Variants in TRIM37 observed in about 807,000 individuals in gnomAD.
The protein encoded by TRIM37 is tripartite motif containing 37.
In TRIM37, 80 loss-of-function variants were observed where a neutral mutation model predicts 129.8. The observed-to-expected ratio is 0.62, with a 90% CI of 0.51 to 0.74. The LOEUF (loss-of-function observed/expected upper bound fraction) is 0.74, where lower values mean the gene tolerates loss of function less well. TRIM37 is among the 30% of genes least tolerant of loss of function. The probability of loss-of-function intolerance (pLI) is 0.00; values close to 1 mark genes in which losing one functional copy is unlikely to be tolerated. For missense variants in TRIM37, 1,054 were observed against 1,176.5 expected (o/e 0.90, Z 1.52); for synonymous variants, 389 against 387.1 (o/e 1.00, Z -0.06).
At chr17:59,075,563 CAAA>C (rs34467573) in intron 8 of TRIM37, 81 bp downstream of exon 8, 5,682 of 486,068 alleles carry the variant, frequency 0.012, 2 homozygotes, top group East Asian at 0.014. Flanking sequence ...GACTCCATCT[CAAA>C]AAAAAAAAAA....
intron 2 of TRIM37, among the ~76,000 whole-genome samples, chr17:59,097,007 T>C (rs931442999): frequency 1.3e-5 from 2 of 152,164 alleles, no homozygotes; most frequent in Non-Finnish European, 2.9e-5. Context: ...AACCACTTCA[T>C]GGAAAACCCC....
intron 2 of TRIM37, among the ~76,000 whole-genome samples, chr17:59,103,154 T>C (rs2045668298): frequency 6.6e-6 from 1 of 152,046 alleles, no homozygotes; most frequent in Admixed American, 6.5e-5. Context: ...ATTACAGGCG[T>C]GAGCTACCTA....
At chr17:59,104,448 TA>T (rs759696114) in intron 1 of TRIM37, 54 bp from the exon 2 acceptor site, 1 of 1,498,866 alleles carries the variant, frequency 6.7e-7, no homozygotes, top group African/African-American at 1.4e-5. Flanking sequence ...GAATCAAGAG[TA>T]AAAGGCAAGC....
intron 2 of TRIM37, among the ~76,000 whole-genome samples, chr17:59,096,787 C>T (rs2044928968): frequency 6.6e-6 from 1 of 152,014 alleles, no homozygotes. Flanking sequence ...ACTGTGCATC[C>T]TCATTCATAA....
chr17:59,091,204 T>C (rs1350511479), intron 3 of TRIM37, 96 bp downstream of exon 3: 2 of 764,832 alleles, frequency 2.6e-6, no homozygotes, highest in Admixed American at 2.2e-5. Flanking sequence ...AGAAGAGAAA[T>C]GGGCAGACTG....
chr17:59,048,661 A>G (rs1199200801), intron 15 of TRIM37, among the ~76,000 whole-genome samples: 1 of 152,050 alleles, frequency 6.6e-6, no homozygotes, highest in Non-Finnish European at 1.5e-5. Context: ...CAGTGGCACA[A>G]TCTTGGCTCA....
rs983714745 is a variant in TRIM37 at position 59,045,143 on chromosome 17, G to A, written c.1667+2540C>T. On this transcript the variant is annotated intron_variant, in intron 16 of 23. Coordinates refer to ENST00000262294, the MANE Select transcript of TRIM37 (RefSeq NM_015294.6). ...AGATTGAGATCATCCTGGCTAACAC[G>A]GTGAAACCCCATCTCTATTAAAAAT... 4.6e-5 allele frequency among the ~76,000 whole-genome samples: 7 copies of A among 151,856 alleles called. No homozygotes were observed. The South Asian group carries it at 6.3e-4, about 14-fold the overall frequency.
At chr17:59,076,586 T>G (rs1284367384) in intron 7 of TRIM37, among the ~76,000 whole-genome samples, 1 of 152,072 alleles carries the variant, frequency 6.6e-6, no homozygotes, top group Non-Finnish European at 1.5e-5. Flanking sequence ...ATTACAGAAA[T>G]TATCCTTATA....
chr17:59,016,674 T>TTGGGAGGCTGAGG, intron 20 of TRIM37, among the ~76,000 whole-genome samples: 1 of 143,862 alleles, frequency 7.0e-6, no homozygotes, highest in South Asian at 2.2e-4. Flanking sequence ...TCCCAGCTAC[T>TTGGGAGGCTGAGG]TGGGAGGCTG....
At chr17:58,983,244 G>T in intron 24 of TRIM37, 1 of 233,894 alleles carries the variant, frequency 4.3e-6, no homozygotes, top group Non-Finnish European at 8.3e-6. Context: ...GTTCTAGTGT[G>T]GTCGTTATAA....
At chr17:59,103,274 T>C (rs918625763) in intron 2 of TRIM37, among the ~76,000 whole-genome samples, 6 of 152,206 alleles carry the variant, frequency 3.9e-5, no homozygotes, top group Non-Finnish European at 1.5e-5. Context: ...TTTTCAACTA[T>C]GCTCTGTAGA....
At chr17:59,033,302 T>C (rs1321771030) in intron 17 of TRIM37, among the ~76,000 whole-genome samples, 2 of 152,294 alleles carry the variant, frequency 1.3e-5, no homozygotes, top group East Asian at 3.9e-4. Context: ...CACATCCTCA[T>C]GTTCTCACTG....
At chr17:59,023,004 T>C (rs568998838) in intron 19 of TRIM37, among the ~76,000 whole-genome samples, 8 of 152,282 alleles carry the variant, frequency 5.3e-5, no homozygotes, top group Admixed American at 2.0e-4. Context: ...CAGAGAAAGA[T>C]TGAATATATT....
intron 8 of TRIM37, among the ~76,000 whole-genome samples, chr17:59,074,905 G>A (rs909215753): frequency 7.2e-5 from 11 of 152,060 alleles, no homozygotes; most frequent in African/African-American, 2.7e-4. Flanking sequence ...GTTCACTGCT[G>A]TATCACCAAT....
intron 16 of TRIM37, among the ~76,000 whole-genome samples, chr17:59,046,898 T>C (rs1488807047): frequency 2.0e-5 from 3 of 147,398 alleles, no homozygotes; most frequent in Non-Finnish European, 4.5e-5. Context: ...CTCACGCCTG[T>C]AATCCCAACA....
chr17:59,068,758 A>G (rs1455695123), intron 9 of TRIM37, among the ~76,000 whole-genome samples: 1 of 152,246 alleles, frequency 6.6e-6, no homozygotes, highest in African/African-American at 2.4e-5. Context: ...CTGGAGTTCT[A>G]GCTGTCAGAA....
At chr17:59,028,809 G>A in intron 18 of TRIM37, 86 bp from the exon 19 acceptor site, 3 of 1,421,018 alleles carry the variant, frequency 2.1e-6, no homozygotes, top group Non-Finnish European at 3.0e-6. Context: ...AATTTGATGT[G>A]TAAAATAAGC....
intron 22 of TRIM37, among the ~76,000 whole-genome samples, chr17:59,011,042 C>T (rs768805198): frequency 2.6e-5 from 4 of 151,816 alleles, no homozygotes; most frequent in Non-Finnish European, 5.9e-5. Flanking sequence ...TGTTGGCAAG[C>T]GCCTGTAATC....
rs966383051 is a variant in TRIM37, at chr17:59,001,536, A to G, written c.2812+62T>C. ...GTAGAAGTAGCAGCAGCAGAAGAAG[A>G]AGAAAGAGAAGCGGCAGCGGTGGTT... On this transcript the variant is annotated intron_variant, in intron 23 of 23. Coordinates refer to ENST00000262294, the MANE Select transcript of TRIM37 (RefSeq NM_015294.6). 3 of 1,609,138 alleles carry G rather than the reference A, an allele frequency of 1.9e-6. No homozygotes were observed. In the African/African-American group the frequency reaches 4.0e-5, roughly 22 times the overall value.
Sources: gnomAD v4.1 joint callset for allele counts (sites outside exome capture counted in the v4.1 genomes callset) on GRCh38, gnomAD v4.1.1 for gene constraint, MANE v1.5 for transcripts, NCBI Gene and HGNC (gene_info 2026-07-23, HGNC 2026-07-21) for gene names.